NEGR1: variants seen among roughly 807,000 people sequenced by gnomAD.
NEGR1 encodes neuronal growth regulator 1, also known as IgLON family member 4.
Under a neutral mutation model 40.9 loss-of-function variants are expected in NEGR1, and 10 were observed. The observed-to-expected ratio is 0.24, with a 90% CI of 0.15 to 0.42. The LOEUF is 0.42. NEGR1 is among the 10% of genes least tolerant of loss of function. The pLI is 1.00. For synonymous variants in NEGR1, 185 were observed against 166.8 expected, an observed-to-expected ratio of 1.11 and a Z score of -0.84; for missense variants, 352 against 438.9, an observed-to-expected ratio of 0.80 and a Z score of 1.77.
intron 1 of NEGR1, among the ~76,000 whole-genome samples, chr1:72,199,137 C>G (rs1177366805): frequency 8.0e-6 from 1 of 124,690 alleles, no homozygotes; most frequent in African/African-American, 3.5e-5. Flanking sequence ...GGAGATCTAT[C>G]TAGATAGACA....
At chr1:71,554,321 T>A (rs1355339638) in intron 6 of NEGR1, among the ~76,000 whole-genome samples, 1 of 151,586 alleles carries the variant, frequency 6.6e-6, no homozygotes, top group Non-Finnish European at 1.5e-5. Flanking sequence ...AATATTATAT[T>A]GCACATTGGA....
At chr1:72,230,929 G>T (rs1354641287) in intron 1 of NEGR1, among the ~76,000 whole-genome samples, 1 of 152,092 alleles carries the variant, frequency 6.6e-6, no homozygotes, top group Non-Finnish European at 1.5e-5. Context: ...CTTCAAAAAA[G>T]ATGTGCACTT....
intron 1 of NEGR1, among the ~76,000 whole-genome samples, chr1:72,251,067 T>C (rs1313885697): frequency 6.6e-6 from 1 of 152,208 alleles, no homozygotes; most frequent in African/African-American, 2.4e-5. Flanking sequence ...CTTATGCCTA[T>C]GTGAAGATCC....
chr1:71,679,965 G>A (rs1652779425), intron 4 of NEGR1, among the ~76,000 whole-genome samples: 1 of 151,796 alleles, frequency 6.6e-6, no homozygotes, highest in South Asian at 2.1e-4. Flanking sequence ...ACTCAGCATT[G>A]TACTCCTAAG....
At chr1:71,750,034 C>T (rs1027656622) in intron 3 of NEGR1, among the ~76,000 whole-genome samples, 2 of 147,812 alleles carry the variant, frequency 1.4e-5, no homozygotes, top group South Asian at 2.2e-4. Context: ...TCGCCCAGGC[C>T]GGACTGCGGA....
intron 1 of NEGR1, among the ~76,000 whole-genome samples, chr1:71,959,067 T>A (rs895397552): frequency 2.0e-5 from 3 of 152,302 alleles, no homozygotes; most frequent in Non-Finnish European, 4.4e-5. Flanking sequence ...CTCACAGTAT[T>A]TTTTGTTTAC....
intron 4 of NEGR1, among the ~76,000 whole-genome samples, chr1:71,639,581 C>A (rs1198264422): frequency 6.6e-6 from 1 of 152,078 alleles, no homozygotes; most frequent in Non-Finnish European, 1.5e-5. Context: ...GAAGGTGAGG[C>A]ATAGTCCTTG....
intron 4 of NEGR1, among the ~76,000 whole-genome samples, chr1:71,628,033 C>T (rs1356151278): frequency 1.3e-5 from 2 of 152,030 alleles, no homozygotes; most frequent in Non-Finnish European, 2.9e-5. Context: ...GATAACTCAC[C>T]ATGGGAGGAC....
At chr1:71,439,189 G>T (rs1646530292) in intron 6 of NEGR1, among the ~76,000 whole-genome samples, 1 of 152,012 alleles carries the variant, frequency 6.6e-6, no homozygotes, top group African/African-American at 2.4e-5. Context: ...ATAGGGAGGG[G>T]TGTAATAGAT....
intron 1 of NEGR1, among the ~76,000 whole-genome samples, chr1:72,232,417 A>AGT (rs1410225718): frequency 6.6e-6 from 1 of 152,022 alleles, no homozygotes; most frequent in South Asian, 2.1e-4. Context: ...ATACAAACCA[A>AGT]GTATATGCTA....
intron 2 of NEGR1, among the ~76,000 whole-genome samples, chr1:71,851,783 T>C (rs1266478838): frequency 6.6e-6 from 1 of 152,178 alleles, no homozygotes; most frequent in African/African-American, 2.4e-5. Context: ...TTATGTAGTA[T>C]AGTAAACAGT....
intron 3 of NEGR1, among the ~76,000 whole-genome samples, chr1:71,719,158 T>C (rs1047715232): frequency 6.6e-6 from 1 of 152,112 alleles, no homozygotes; most frequent in Non-Finnish European, 1.5e-5. Flanking sequence ...TGTGAAAGGA[T>C]CATTTGGGTT....
At chr1:72,051,243 G>T (rs115866648) in intron 1 of NEGR1, among the ~76,000 whole-genome samples, 1 of 151,348 alleles carries the variant, frequency 6.6e-6, no homozygotes, top group Non-Finnish European at 1.5e-5. Flanking sequence ...CCTTACATTT[G>T]TTCATTACTA....
chr1:71,413,761 C>T (rs1259036930), intron 6 of NEGR1, among the ~76,000 whole-genome samples: 1 of 152,022 alleles, frequency 6.6e-6, no homozygotes, highest in Non-Finnish European at 1.5e-5. Context: ...GACTTTTTCC[C>T]GTTGTCAACA....
intron 1 of NEGR1, among the ~76,000 whole-genome samples, chr1:72,227,781 T>C (rs1324460750): frequency 6.6e-6 from 1 of 152,122 alleles, no homozygotes; most frequent in African/African-American, 2.4e-5. Flanking sequence ...TGGCAATTCA[T>C]AAAGTATTAG....
At chr1:71,923,030 T>C (rs1031333093) in intron 2 of NEGR1, among the ~76,000 whole-genome samples, 5 of 152,176 alleles carry the variant, frequency 3.3e-5, no homozygotes, top group African/African-American at 9.6e-5. Context: ...ACAGAAGAAT[T>C]TTCTCTGGTC....
intron 2 of NEGR1, among the ~76,000 whole-genome samples, chr1:71,879,685 T>C (rs1256272973): frequency 6.6e-6 from 1 of 152,202 alleles, no homozygotes; most frequent in East Asian, 1.9e-4. Context: ...ACTTTCTTGC[T>C]CTTCACTAAA....
intron 1 of NEGR1, among the ~76,000 whole-genome samples, chr1:72,085,623 TA>T (rs35716447): frequency 1.0e-3 from 158 of 152,296 alleles, no homozygotes; most frequent in African/African-American, 3.6e-3. Context: ...AATCAGGAAC[TA>T]AAATAAATTA....
chr1:71,581,701 T>TA, intron 6 of NEGR1, among the ~76,000 whole-genome samples: 1 of 151,086 alleles, frequency 6.6e-6, no homozygotes, highest in Non-Finnish European at 1.5e-5. Flanking sequence ...ATACACAATT[T>TA]TTTTTTTTTT....
Sources: allele counts gnomAD v4.1 joint callset (sites outside exome capture counted in the v4.1 genomes callset), GRCh38; gene constraint gnomAD v4.1.1; transcripts MANE v1.5; gene names NCBI Gene and HGNC (gene_info 2026-07-23, HGNC 2026-07-21).